Variants in SSBP2 observed in about 807,000 individuals in gnomAD.
SSBP2 encodes the protein single stranded DNA binding protein 2, also known as single-stranded DNA-binding protein 2.
SSBP2 carries 17 observed loss-of-function variants against 61.8 expected under a neutral mutation model. That is an observed-to-expected ratio of 0.28 (90% CI 0.19 to 0.41). SSBP2 has a LOEUF of 0.41. Among genes scored for constraint, SSBP2 ranks in the 10% least tolerant of loss-of-function variants. SSBP2 has a pLI of 1.00. For missense variants in SSBP2, 310 were observed against 458.7 expected, an observed-to-expected ratio of 0.68 and a Z score of 2.96; for synonymous variants, 139 against 141.3, an observed-to-expected ratio of 0.98 and a Z score of 0.12.
chr5:81,636,451 T>G, intron 3 of SSBP2, 106 bp downstream of exon 3: 1 of 957,368 alleles, frequency 1.0e-6, no homozygotes, highest in Non-Finnish European at 1.5e-6. Flanking sequence ...CAGAAAATTT[T>G]AGAAAATGAA....
At position 81,503,922 on chromosome 5, in the gene SSBP2, G is replaced by T. The variant is rs116138789; in HGVS notation, c.372+9706C>A. On this transcript the variant is annotated intron_variant, in intron 5 of 16. Transcript: ENST00000320672. The stretch of plus-strand genomic sequence containing the variant: ...TATCACATATTCTCCCTTATAAATG[G>T]GAGCTAAATGATGAGAACTCATGGA... Among the ~76,000 whole-genome samples the T allele has an allele frequency of 9.1e-3, 1,386 of 152,134 alleles. 20 individuals carry two copies. The highest frequency in any genetic ancestry group is 0.031 in the African/African-American group (1,281 of 41,478).
chr5:81,648,583 C>T (rs1014510177), intron 2 of SSBP2, among the ~76,000 whole-genome samples: 4 of 152,088 alleles, frequency 2.6e-5, no homozygotes, highest in Admixed American at 2.6e-4. Flanking sequence ...TCTTGATGTG[C>T]TGGGGACCAA....
intron 4 of SSBP2, among the ~76,000 whole-genome samples, chr5:81,562,272 A>G (rs1773107478): frequency 6.6e-6 from 1 of 152,176 alleles, no homozygotes; most frequent in South Asian, 2.1e-4. Context: ...ATTCTAGAAA[A>G]AGATATTTGC....
In SSBP2 at chr5:81,559,247, C is replaced by T. The variant is rs182958619; in HGVS notation, c.283-45530G>A. Among the ~76,000 whole-genome samples the T allele has an allele frequency of 2.6e-3, 397 of 152,044 alleles. 1 individual carries two copies. Among genetic ancestry groups the T allele is most frequent in the African/African-American group, 8.5e-3 (352 of 41,470 alleles). On this transcript the variant is annotated intron_variant, in intron 4 of 16. Transcript: ENST00000320672. ...CTAAAAATACAAAAAATCAGCCGGG[C>T]GTGGTGGGCCGTGCCTGTAATCCCA...
chr5:81,672,738 A>AT (rs199564178), intron 1 of SSBP2, among the ~76,000 whole-genome samples: 33,066 of 151,556 alleles, frequency 0.22, 4,099 homozygotes, highest in Non-Finnish European at 0.29. Flanking sequence ...CATCCAGCTA[A>AT]TTTTTTTGTA....
At chr5:81,543,205 C>G (rs893843793) in intron 4 of SSBP2, among the ~76,000 whole-genome samples, 1 of 152,066 alleles carries the variant, frequency 6.6e-6, no homozygotes, top group African/African-American at 2.4e-5. Flanking sequence ...GCCTACTTCC[C>G]CTTCCACCAC....
chr5:81,477,551 T>C (rs919640295), intron 6 of SSBP2, among the ~76,000 whole-genome samples: 1 of 152,202 alleles, frequency 6.6e-6, no homozygotes, highest in African/African-American at 2.4e-5. Flanking sequence ...ATTTGTTCAA[T>C]ATAACCAGTC....
At chr5:81,628,311 T>C (rs1167683398) in intron 3 of SSBP2, among the ~76,000 whole-genome samples, 1 of 152,186 alleles carries the variant, frequency 6.6e-6, no homozygotes, top group Non-Finnish European at 1.5e-5. Flanking sequence ...TAGAATAGCA[T>C]GGGGGAATCG....
chr5:81,485,687 A>G (rs1254990745), intron 6 of SSBP2, among the ~76,000 whole-genome samples: 1 of 152,078 alleles, frequency 6.6e-6, no homozygotes, highest in East Asian at 1.9e-4. Context: ...TTATTTGTTT[A>G]TTTTTTAGAG....
intron 10 of SSBP2, among the ~76,000 whole-genome samples, chr5:81,458,536 T>C (rs1413495770): frequency 6.6e-6 from 1 of 152,186 alleles, no homozygotes; most frequent in African/African-American, 2.4e-5. Flanking sequence ...TCTGAAGTTA[T>C]TCCAAAATAA....
At chr5:81,616,753 C>T (rs1211610195) in intron 3 of SSBP2, among the ~76,000 whole-genome samples, 2 of 150,974 alleles carry the variant, frequency 1.3e-5, no homozygotes, top group Non-Finnish European at 3.0e-5. Context: ...AGCTGGAGAT[C>T]TGAGAACGGG....
At chr5:81,653,676 A>G (rs1300785101) in intron 1 of SSBP2, among the ~76,000 whole-genome samples, 2 of 151,930 alleles carry the variant, frequency 1.3e-5, no homozygotes, top group East Asian at 3.9e-4. Flanking sequence ...TGTGGTTTTG[A>G]TTTGCATTTC....
At chr5:81,555,019 C>CT (rs1772486193) in intron 4 of SSBP2, among the ~76,000 whole-genome samples, 1 of 152,050 alleles carries the variant, frequency 6.6e-6, no homozygotes. Flanking sequence ...AGTAAAACTA[C>CT]TTTAAGTTTC....
chr5:81,609,122 C>A (rs1172598948), intron 4 of SSBP2, among the ~76,000 whole-genome samples: 2 of 152,150 alleles, frequency 1.3e-5, no homozygotes, highest in African/African-American at 4.8e-5. Flanking sequence ...TATGGCCCTT[C>A]TACAATGCTC....
At chr5:81,683,464 C>T in intron 1 of SSBP2, among the ~76,000 whole-genome samples, 1 of 152,042 alleles carries the variant, frequency 6.6e-6, no homozygotes, top group Non-Finnish European at 1.5e-5. Context: ...ATCTTGTGCC[C>T]TTCACAAAAA....
At chr5:81,582,079 G>C (rs1480699268) in intron 4 of SSBP2, among the ~76,000 whole-genome samples, 1 of 152,048 alleles carries the variant, frequency 6.6e-6, no homozygotes, top group Non-Finnish European at 1.5e-5. Flanking sequence ...TGGTATAGAA[G>C]CTCAGTTTGT....
intron 10 of SSBP2, among the ~76,000 whole-genome samples, chr5:81,456,813 A>G (rs1402401667): frequency 6.6e-6 from 1 of 152,232 alleles, no homozygotes; most frequent in African/African-American, 2.4e-5. Flanking sequence ...CTTTTATATG[A>G]CAAAATTGTG....
intron 5 of SSBP2, among the ~76,000 whole-genome samples, chr5:81,492,561 T>A (rs535609249): frequency 1.3e-5 from 2 of 151,164 alleles, no homozygotes; most frequent in African/African-American, 2.4e-5. Flanking sequence ...TAAAATGTGT[T>A]TACTCTTTAT....
At chr5:81,550,894 A>C (rs1772125980) in intron 4 of SSBP2, among the ~76,000 whole-genome samples, 2 of 152,162 alleles carry the variant, frequency 1.3e-5, no homozygotes, top group Admixed American at 1.3e-4. Flanking sequence ...CAGGAGATCG[A>C]GACCATCCTG....
Sources: allele counts gnomAD v4.1 joint callset (sites outside exome capture counted in the v4.1 genomes callset), GRCh38; gene constraint gnomAD v4.1.1; transcripts MANE v1.5; gene names NCBI Gene and HGNC (gene_info 2026-07-23, HGNC 2026-07-21).